Variants in PLEKHA5 observed in about 807,000 individuals in gnomAD.
PLEKHA5 encodes the protein pleckstrin homology domain-containing family A member 5.
A neutral mutation model predicts 181.9 loss-of-function variants in PLEKHA5; 55 were observed. That is an observed-to-expected ratio of 0.30 (90% CI 0.24 to 0.38). The LOEUF is 0.38. Among genes scored for constraint, PLEKHA5 ranks in the 10% least tolerant of loss-of-function variants. PLEKHA5 has a pLI of 1.00. For synonymous variants in PLEKHA5, 535 were observed against 529.4 expected, an observed-to-expected ratio of 1.01 and a Z score of -0.15; for missense variants, 1,432 against 1,549.5, an observed-to-expected ratio of 0.92 and a Z score of 1.27.
intron 29 of PLEKHA5, among the ~76,000 whole-genome samples, chr12:19,365,013 C>T (rs2095380722): frequency 6.6e-6 from 1 of 152,094 alleles, no homozygotes; most frequent in Non-Finnish European, 1.5e-5. Flanking sequence ...TGCAATAGTT[C>T]ATGACACCCA....
chr12:19,198,455 A>G (rs761064287), intron 3 of PLEKHA5, among the ~76,000 whole-genome samples: 3 of 152,156 alleles, frequency 2.0e-5, no homozygotes, highest in Admixed American at 6.6e-5. Context: ...CTGACAATCC[A>G]TTCTCTGAGT....
intron 23 of PLEKHA5, 29 bp from the exon 24 acceptor site, chr12:19,346,965 A>G (rs1382326288): frequency 2.1e-6 from 3 of 1,461,234 alleles, no homozygotes; most frequent in Non-Finnish European, 2.8e-6. Flanking sequence ...CTGCTTATCT[A>G]AATAAGGTGA....
intron 3 of PLEKHA5, among the ~76,000 whole-genome samples, chr12:19,245,412 C>A (rs949147372): frequency 7.9e-5 from 12 of 151,936 alleles, no homozygotes; most frequent in African/African-American, 2.4e-4. Context: ...CTTATTTTGC[C>A]GTTGGTTGAA....
intron 21 of PLEKHA5, among the ~76,000 whole-genome samples, chr12:19,337,946 G>A (rs565053686): frequency 3.3e-5 from 5 of 150,928 alleles, no homozygotes; most frequent in Non-Finnish European, 7.4e-5. Context: ...CAGGAGAATC[G>A]CTTGAACCCG....
chr12:19,253,715 G>A lies in PLEKHA5; in HGVS notation c.228-225G>A, dbSNP rs1351399370. Reference sequence around the variant, plus strand: ...GGCGCCTATAATCCAAGCTACTTGGGAGGCTGAGGCAGAAGAATTGCTTGA... The same window carrying A: ...GGCGCCTATAATCCAAGCTACTTGGAAGGCTGAGGCAGAAGAATTGCTTGA... On this transcript the variant is annotated intron_variant, in intron 3 of 31. Coordinates refer to ENST00000429027, the MANE Select transcript of PLEKHA5 (RefSeq NM_001256470.2). Among the ~76,000 whole-genome samples, 3 of 151,996 alleles carry A rather than the reference G, an allele frequency of 2.0e-5. No homozygotes were observed. The East Asian group carries it at 5.8e-4, about 30-fold the overall frequency.
intron 3 of PLEKHA5, chr12:19,151,893 G>T (rs1328368533): frequency 1.5e-5 from 2 of 137,634 alleles, no homozygotes; most frequent in Non-Finnish European, 3.1e-5. Context: ...TTGAGACAGG[G>T]TCTTGCACTG....
chr12:19,322,788 T>C (rs1565616149), intron 20 of PLEKHA5, 121 bp downstream of exon 20: 1 of 636,534 alleles, frequency 1.6e-6, no homozygotes, highest in South Asian at 2.3e-5. Context: ...GCAGAAAATA[T>C]TAATTTGTTA....
chr12:19,227,630 A>G (rs1161342874), intron 3 of PLEKHA5, among the ~76,000 whole-genome samples: 1 of 152,178 alleles, frequency 6.6e-6, no homozygotes, highest in African/African-American at 2.4e-5. Flanking sequence ...TTAATTTCCT[A>G]AGGTCCCCCA....
At position 19,274,890 on chromosome 12, in the gene PLEKHA5, C is replaced by G. The variant is rs1450490741; in HGVS notation, c.1220C>G (p.Ala407Gly). 6.2e-7 allele frequency: 1 copy of G among 1,613,898 alleles called. No individual in the cohort carries two copies. The highest frequency in any genetic ancestry group is 8.5e-7 in the Non-Finnish European group (1 of 1,179,980). ...AATACAGGGCCCTTATACACAGAGG[C>G]CGATCGAGTCATACAGAGAACAAAT... Reference protein sequence around the residue: ...RPNTGPLYTEADRVIQRTNSM... With the variant: ...RPNTGPLYTEGDRVIQRTNSM... The change falls in exon 11 of 32, where the codon GCC becomes GGC. Residue 407 changes from alanine to glycine, a missense_variant. Ala to Gly is a moderately conservative substitution (Grantham distance 60). Transcript: ENST00000429027.
chr12:19,173,227 G>T (rs568908186), intron 3 of PLEKHA5, among the ~76,000 whole-genome samples: 1 of 150,254 alleles, frequency 6.7e-6, no homozygotes, highest in African/African-American at 2.4e-5. Flanking sequence ...GTTTCACCTT[G>T]TTAGCCAGGA....
At chr12:19,273,309 C>G (rs896123158) in intron 10 of PLEKHA5, among the ~76,000 whole-genome samples, 73 of 151,992 alleles carry the variant, frequency 4.8e-4, no homozygotes, top group African/African-American at 1.7e-3. Flanking sequence ...TTATATTTAA[C>G]CTAAATATAT....
At chr12:19,189,959 TTGCTTTTCTG>T (rs1339854182) in intron 3 of PLEKHA5, among the ~76,000 whole-genome samples, 2 of 152,222 alleles carry the variant, frequency 1.3e-5, no homozygotes, top group African/African-American at 4.8e-5. Flanking sequence ...ATTTGGTTAC[TTGCTTTTCTG>T]TGCTTTTCCA....
Position 19,141,798 on chromosome 12 carries a change from G to A in PLEKHA5, c.227+9348G>A, listed in dbSNP as rs548946453. On this transcript the variant is annotated intron_variant, in intron 3 of 31. Coordinates refer to ENST00000429027, the MANE Select transcript of PLEKHA5 (RefSeq NM_001256470.2). Reference sequence around the variant, plus strand: ...TTCACTGTGGTGGAAACCTCACCCTGCTAGGTGAGGCCAGGGATTCTCTTC... The same window carrying A: ...TTCACTGTGGTGGAAACCTCACCCTACTAGGTGAGGCCAGGGATTCTCTTC... 2.6e-5 allele frequency among the ~76,000 whole-genome samples: 4 copies of A among 151,370 alleles called. 1 individual carries two copies. The highest frequency in any genetic ancestry group is 6.6e-5 in the Admixed American group (1 of 15,168).
chr12:19,356,504 A>G (rs1444237767), intron 26 of PLEKHA5, among the ~76,000 whole-genome samples: 1 of 152,106 alleles, frequency 6.6e-6, no homozygotes, highest in Non-Finnish European at 1.5e-5. Context: ...GCAGAGTGAC[A>G]GCCTGTCTCA....
intron 3 of PLEKHA5, chr12:19,150,534 C>A (rs989120888): frequency 6.6e-6 from 1 of 152,242 alleles, no homozygotes; most frequent in Non-Finnish European, 1.5e-5. Context: ...ATGAGCCTCA[C>A]AAGAGTGGGG....
chr12:19,144,330 C>T (rs956800158), intron 3 of PLEKHA5, among the ~76,000 whole-genome samples: 3 of 152,124 alleles, frequency 2.0e-5, no homozygotes, highest in Non-Finnish European at 2.9e-5. Context: ...CAGTTCCATG[C>T]GGTATAACTG....
intron 3 of PLEKHA5, among the ~76,000 whole-genome samples, chr12:19,196,584 C>G (rs1488812603): frequency 6.6e-6 from 1 of 152,138 alleles, no homozygotes; most frequent in Non-Finnish European, 1.5e-5. Flanking sequence ...GCATAAGCTC[C>G]TTCTAATCCC....
chr12:19,297,755 T>TA (rs201795604), intron 15 of PLEKHA5, among the ~76,000 whole-genome samples: 7,989 of 42,348 alleles, frequency 0.19, 344 homozygotes, highest in South Asian at 0.34. Flanking sequence ...AAATTATTAT[T>TA]TTTTTTTTTT....
At chr12:19,207,619 T>C (rs139563869) in intron 3 of PLEKHA5, 1 of 152,260 alleles carries the variant, frequency 6.6e-6, no homozygotes, top group East Asian at 1.9e-4. Flanking sequence ...TAATAGACCA[T>C]AAAGGATTGT....
Sources: allele counts gnomAD v4.1 joint callset (sites outside exome capture counted in the v4.1 genomes callset), GRCh38; gene constraint gnomAD v4.1.1; transcripts MANE v1.5; gene names NCBI Gene and HGNC (gene_info 2026-07-23, HGNC 2026-07-21).